The following KCNIP1 variants were observed in gnomAD, a reference collection of about 807,000 sequenced individuals.
KCNIP1 encodes A-type potassium channel modulatory protein KCNIP1.
A neutral mutation model predicts 33.0 loss-of-function variants in KCNIP1; 18 were observed. That is an observed-to-expected ratio of 0.55 (90% CI 0.38 to 0.81). The LOEUF is 0.81. Among genes scored for constraint, KCNIP1 ranks in the 30% least tolerant of loss-of-function variants. The pLI is 0.00. For missense variants in KCNIP1, 238 were observed against 271.6 expected (o/e 0.88, Z 0.87); for synonymous variants, 93 against 98.3 (o/e 0.95, Z 0.32).
At chr5:170,690,594 T>C (rs1762687430) in intron 1 of KCNIP1, among the ~76,000 whole-genome samples, 1 of 152,242 alleles carries the variant, frequency 6.6e-6, no homozygotes, top group Non-Finnish European at 1.5e-5. Flanking sequence ...ATGATAATTT[T>C]TTCAAGTCCA....
intron 1 of KCNIP1, among the ~76,000 whole-genome samples, chr5:170,717,125 C>T (rs1763667602): frequency 6.6e-6 from 1 of 152,108 alleles, no homozygotes; most frequent in Admixed American, 6.5e-5. Flanking sequence ...AATAAAAATG[C>T]TTTTAGATCT....
chr5:170,713,345 G>A (rs1378355403), intron 1 of KCNIP1, among the ~76,000 whole-genome samples: 1 of 152,176 alleles, frequency 6.6e-6, no homozygotes, highest in Non-Finnish European at 1.5e-5. Flanking sequence ...AAACAGTGAG[G>A]AGTAGGCTAT....
chr5:170,662,763 C>G (rs1761549990), intron 1 of KCNIP1, among the ~76,000 whole-genome samples: 1 of 152,234 alleles, frequency 6.6e-6, no homozygotes, highest in African/African-American at 2.4e-5. Context: ...CTTTCTCCTC[C>G]TCTGTCTATC....
intron 1 of KCNIP1, among the ~76,000 whole-genome samples, chr5:170,564,823 AATCT>A (rs1458197439): frequency 6.6e-6 from 1 of 152,076 alleles, no homozygotes; most frequent in African/African-American, 2.4e-5. Flanking sequence ...CCCTTTGAAA[AATCT>A]ATCAGGTTTC....
chr5:170,513,614 T>C (rs1755019386), intron 1 of KCNIP1, among the ~76,000 whole-genome samples: 1 of 152,248 alleles, frequency 6.6e-6, no homozygotes, highest in African/African-American at 2.4e-5. Flanking sequence ...TCTAGGTCTT[T>C]ATCTAAGTTG....
At chr5:170,555,015 A>T (rs1406343593) in intron 1 of KCNIP1, among the ~76,000 whole-genome samples, 1 of 152,152 alleles carries the variant, frequency 6.6e-6, no homozygotes, top group East Asian at 1.9e-4. Flanking sequence ...CTATCTCCAT[A>T]TCTTATTTTG....
Position 170,548,744 on chromosome 5 carries a change from G to A in KCNIP1, c.61+44111G>A, listed in dbSNP as rs150596670. 2.1e-3 allele frequency among the ~76,000 whole-genome samples: 324 copies of A among 152,226 alleles called. 2 individuals are homozygous for A. The highest frequency in any genetic ancestry group is 7.3e-3 in the African/African-American group (301 of 41,514). On this transcript the variant is annotated intron_variant, in intron 1 of 7. Coordinates refer to ENST00000328939, the MANE Select transcript of KCNIP1 (RefSeq NM_014592.4). ...GTTGGGACCTCTTCCCACTTGGTAGGGCCTGGGTTTTACCTACTGGGTTTC... is the reference window on the plus strand; with the variant it reads ...GTTGGGACCTCTTCCCACTTGGTAGAGCCTGGGTTTTACCTACTGGGTTTC...
At chr5:170,648,049 GA>G (rs1760862813) in intron 1 of KCNIP1, among the ~76,000 whole-genome samples, 1 of 152,168 alleles carries the variant, frequency 6.6e-6, no homozygotes, top group South Asian at 2.1e-4. Context: ...TGTCATTAGG[GA>G]ATTGCTAATT....
chr5:170,392,264 C>G (rs1417778237), intron 1 of KCNIP1, among the ~76,000 whole-genome samples: 1 of 152,182 alleles, frequency 6.6e-6, no homozygotes, highest in Non-Finnish European at 1.5e-5. Flanking sequence ...CAGCTGAGGC[C>G]TCAGAGAATG....
intron 1 of KCNIP1, among the ~76,000 whole-genome samples, chr5:170,591,385 A>AAAG (rs77316238): frequency 2.0e-5 from 3 of 152,164 alleles, no homozygotes; most frequent in Non-Finnish European, 2.9e-5. Context: ...AGGGGAAAGA[A>AAAG]AGGAGAGTGA....
At chr5:170,670,721 C>T (rs1340408924) in intron 1 of KCNIP1, among the ~76,000 whole-genome samples, 1 of 152,036 alleles carries the variant, frequency 6.6e-6, no homozygotes, top group African/African-American at 2.4e-5. Flanking sequence ...GGTGAAACCC[C>T]ATCTCTACTA....
intron 1 of KCNIP1, among the ~76,000 whole-genome samples, chr5:170,358,561 G>A (rs115687581): frequency 0.025 from 3,767 of 152,248 alleles, 72 homozygotes; most frequent in South Asian, 0.064. Context: ...ACCACCCCAA[G>A]CCAAGGCTCC....
chr5:170,369,471 A>G (rs1763786914), intron 1 of KCNIP1, among the ~76,000 whole-genome samples: 1 of 152,228 alleles, frequency 6.6e-6, no homozygotes, highest in Non-Finnish European at 1.5e-5. Context: ...ACAGCTTTGG[A>G]AACTTTTCTT....
intron 1 of KCNIP1, chr5:170,483,156 C>G (rs569138601): frequency 2.2e-4 from 94 of 428,490 alleles, no homozygotes; most frequent in African/African-American, 1.8e-3. Context: ...TTCCATGGAG[C>G]TCACTCGCCC....
chr5:170,463,946 T>A (rs1756557366), intron 1 of KCNIP1, among the ~76,000 whole-genome samples: 2 of 151,772 alleles, frequency 1.3e-5, no homozygotes, highest in Admixed American at 6.6e-5. Context: ...TTATCAGAAC[T>A]AATTAACAAG....
chr5:170,366,451 T>C (rs1763663083), intron 1 of KCNIP1, among the ~76,000 whole-genome samples: 1 of 152,218 alleles, frequency 6.6e-6, no homozygotes, highest in Non-Finnish European at 1.5e-5. Flanking sequence ...GCACTACCTT[T>C]GAGCATCTGC....
chr5:170,556,044 T>G (rs1756833450), intron 1 of KCNIP1, among the ~76,000 whole-genome samples: 1 of 152,050 alleles, frequency 6.6e-6, no homozygotes, highest in Non-Finnish European at 1.5e-5. Context: ...ACAATGACAA[T>G]CACAACAACT....
At chr5:170,502,462 A>G (rs560303189), upstream of KCNIP1, among the ~76,000 whole-genome samples, 32 of 152,226 alleles carry the variant, frequency 2.1e-4, no homozygotes, top group African/African-American at 7.2e-4. Context: ...CTCTGTGCCT[A>G]TGTGGCATTG....
chr5:170,590,442 G>T (rs530590740), intron 1 of KCNIP1, among the ~76,000 whole-genome samples: 2 of 152,202 alleles, frequency 1.3e-5, no homozygotes, highest in East Asian at 3.9e-4. Context: ...CTCCAAGGAG[G>T]GGATGGCTGA....
Sources: allele counts gnomAD v4.1 joint callset (sites outside exome capture counted in the v4.1 genomes callset), GRCh38; gene constraint gnomAD v4.1.1; transcripts MANE v1.5; gene names NCBI Gene and HGNC (gene_info 2026-07-23, HGNC 2026-07-21).